OPA1: variants seen among roughly 807,000 people sequenced by gnomAD.
OPA1 encodes dynamin-like GTPase OPA1, mitochondrial.
A neutral mutation model predicts 152.9 loss-of-function variants in OPA1; 59 were observed. The ratio of observed to expected loss-of-function variants is 0.39; its 90% CI spans 0.31 to 0.48. The LOEUF is 0.48. Ranked by LOEUF, OPA1 falls within the 20% of genes least tolerant of loss-of-function variation. The pLI is 0.96. For missense variants in OPA1, 1,008 were observed against 1,216.8 expected (o/e 0.83, Z 2.55); for synonymous variants, 400 against 389.9 (o/e 1.03, Z -0.31).
At position 193,593,368 on chromosome 3, in the gene OPA1, C is replaced by T. The variant is rs775614028; in HGVS notation, c.-10C>T. 67 of 1,545,836 alleles carry T rather than the reference C, an allele frequency of 4.3e-5. No individual in the cohort carries two copies. The Middle Eastern group carries it at 1.8e-3, about 42-fold the overall frequency. ...CGTCTCGGCGCCTGCGTGACCTCCC[C>T]GCCGGCGGGATGTGGCGACTACGTC... On this transcript the variant is annotated 5_prime_UTR_variant, in exon 1 of 31. Coordinates refer to ENST00000361510, the MANE Select transcript of OPA1 (RefSeq NM_130837.3).
rs573099192 is a variant in OPA1, at chr3:193,667,809, C to T, written c.2983+529C>T. 1.1e-4 allele frequency among the ~76,000 whole-genome samples: 16 copies of T among 152,072 alleles called. No homozygotes were observed. In the East Asian group the frequency reaches 1.2e-3, roughly 11 times the overall value. Reference sequence around the variant, plus strand: ...TAGAAACAGATTTTCTCATAGCAACCGAACATTGATAAATTACAATATCTA... The same window carrying T: ...TAGAAACAGATTTTCTCATAGCAACTGAACATTGATAAATTACAATATCTA... On this transcript the variant is annotated intron_variant, in intron 29 of 30. Coordinates refer to ENST00000361510, the MANE Select transcript of OPA1 (RefSeq NM_130837.3).
intron 16 of OPA1, 37 bp downstream of exon 16, chr3:193,644,142 TG>T: frequency 6.2e-7 from 1 of 1,610,858 alleles, no homozygotes. Flanking sequence ...ATAGATTCTT[TG>T]TAAAAGCTCC....
intron 22 of OPA1, 107 bp from the exon 23 acceptor site, chr3:193,656,973 G>A: frequency 1.0e-6 from 1 of 976,126 alleles, no homozygotes; most frequent in Non-Finnish European, 1.5e-6. Context: ...TTTCTGATAA[G>A]CTGATTTATT....
At chr3:193,686,432 A>G (rs897228776) in intron 29 of OPA1, among the ~76,000 whole-genome samples, 9 of 152,198 alleles carry the variant, frequency 5.9e-5, no homozygotes, top group Admixed American at 5.2e-4. Flanking sequence ...ATTTCAAGGA[A>G]AAAATCTACA....
chr3:193,593,766 A>T (rs897229134), intron 1 of OPA1, among the ~76,000 whole-genome samples: 17 of 147,744 alleles, frequency 1.2e-4, no homozygotes, highest in African/African-American at 4.0e-4. Context: ...TCTCCCTGCC[A>T]GGTTTGGCTC....
chr3:193,697,076 CAG>C lies in OPA1; in HGVS notation c.*2481_*2482del, dbSNP rs1448935520. 6.6e-6 allele frequency: 1 copy of C among 152,174 alleles called. No individual in the cohort carries two copies. Among genetic ancestry groups the C allele is most frequent in the African/African-American group, 2.4e-5 (1 of 41,452 alleles). 9.4% of individuals were successfully genotyped at this position (152,174 alleles called of 1,614,324 possible). A position where few individuals can be genotyped will look rare whatever the true frequency, so the allele number is the denominator to read the frequency against. On this transcript the variant is annotated 3_prime_UTR_variant, in exon 31 of 31. Coordinates refer to ENST00000361510, the MANE Select transcript of OPA1 (RefSeq NM_130837.3). ...ATATAAAAATAAGTAGGGAACATGG[CAG>C]AGAGTGGTGCTTCCCAGCCTCACAA...
chr3:193,685,469 A>T (rs1720816061), intron 29 of OPA1, among the ~76,000 whole-genome samples: 1 of 152,138 alleles, frequency 6.6e-6, no homozygotes, highest in East Asian at 1.9e-4. Flanking sequence ...ACCTTTAATG[A>T]TTAAGTATTG....
chr3:193,678,681 G>C (rs914243031), intron 29 of OPA1, among the ~76,000 whole-genome samples: 1 of 152,114 alleles, frequency 6.6e-6, no homozygotes, highest in Non-Finnish European at 1.5e-5. Context: ...ACTTTATATA[G>C]TTCAAGTATT....
intron 9 of OPA1, among the ~76,000 whole-genome samples, chr3:193,636,788 TTCTC>T (rs1733016971): frequency 2.0e-5 from 3 of 152,168 alleles, no homozygotes; most frequent in African/African-American, 7.2e-5. Flanking sequence ...TCCTCTCTCT[TTCTC>T]TCTCATGCAT....
chr3:193,694,919 C>G lies in OPA1; in HGVS notation c.*319C>G, dbSNP rs945458300. 6.6e-6 allele frequency: 1 copy of G among 152,184 alleles called. No homozygotes were observed. Among genetic ancestry groups the G allele is most frequent in the East Asian group, 1.9e-4 (1 of 5,202 alleles). 9.4% of individuals were successfully genotyped at this position (152,184 alleles called of 1,614,324 possible). A position where few individuals can be genotyped will look rare whatever the true frequency, so the allele number is the denominator to read the frequency against. On this transcript the variant is annotated 3_prime_UTR_variant, in exon 31 of 31. Coordinates refer to ENST00000361510, the MANE Select transcript of OPA1 (RefSeq NM_130837.3). ...GTTTGTTGTCTTATTTGTGGTGGCA[C>G]TCGTTTAATGGATTAACTGAGGTTG...
chr3:193,672,002 A>G (rs1326152012), intron 29 of OPA1, among the ~76,000 whole-genome samples: 1 of 152,200 alleles, frequency 6.6e-6, no homozygotes, highest in Non-Finnish European at 1.5e-5. Context: ...CTTTCATGAA[A>G]TTCTTTTGAT....
chr3:193,636,989 T>C (rs1733045788), intron 9 of OPA1, among the ~76,000 whole-genome samples: 2 of 152,230 alleles, frequency 1.3e-5, no homozygotes, highest in African/African-American at 4.8e-5. Context: ...TAAATCATTG[T>C]ATCTAAATAA....
intron 7 of OPA1, among the ~76,000 whole-genome samples, chr3:193,627,893 C>T (rs1339157694): frequency 6.6e-6 from 1 of 152,028 alleles, no homozygotes; most frequent in Non-Finnish European, 1.5e-5. Flanking sequence ...GACTTTTTAC[C>T]CTGAGTAGAG....
intron 13 of OPA1, 96 bp from the exon 14 acceptor site, chr3:193,643,277 A>G: frequency 1.0e-6 from 1 of 993,420 alleles, no homozygotes. Flanking sequence ...TGAATGGATG[A>G]GATATAGAAT....
intron 6 of OPA1, chr3:193,624,328 G>A (rs1049867015): frequency 6.6e-6 from 1 of 152,072 alleles, no homozygotes; most frequent in African/African-American, 2.4e-5. Flanking sequence ...ATTTTCTCAC[G>A]GCTTTGGGAT....
chr3:193,681,164 A>G (rs1358392355), intron 29 of OPA1, among the ~76,000 whole-genome samples: 2 of 152,332 alleles, frequency 1.3e-5, no homozygotes, highest in African/African-American at 4.8e-5. Flanking sequence ...TTTTTCTCCC[A>G]TGCAGAAATT....
In OPA1 at chr3:193,615,058, T is replaced by A; in HGVS notation, c.351+17T>A. On this transcript the variant is annotated intron_variant, in intron 2 of 30. Coordinates refer to ENST00000361510, the MANE Select transcript of OPA1 (RefSeq NM_130837.3). ...GCCAAAAAGGTGAACTTGACATTCC[T>A]CCTGGTTTTCCAATTATTATATCAT... 6.3e-7 allele frequency: 1 copy of A among 1,582,772 alleles called. No homozygotes were observed. Among genetic ancestry groups the A allele is most frequent in the South Asian group, 1.1e-5 (1 of 90,456 alleles).
chr3:193,646,714 A>G (rs1021198869), intron 18 of OPA1: 12 of 156,858 alleles, frequency 7.7e-5, no homozygotes, highest in African/African-American at 2.4e-4. Flanking sequence ...CGGAAGTTGT[A>G]GTGACCCAAT....
chr3:193,682,949 A>C (rs1720384397), intron 29 of OPA1, among the ~76,000 whole-genome samples: 1 of 152,110 alleles, frequency 6.6e-6, no homozygotes. Flanking sequence ...TTAAGGCCCT[A>C]GCTGCCATAG....
Sources: allele counts gnomAD v4.1 joint callset (sites outside exome capture counted in the v4.1 genomes callset), GRCh38; gene constraint gnomAD v4.1.1; transcripts MANE v1.5; gene names NCBI Gene and HGNC (gene_info 2026-07-23, HGNC 2026-07-21).